SGCD: variants seen among roughly 807,000 people sequenced by gnomAD.
The protein encoded by SGCD is sarcoglycan delta, also known as delta-sarcoglycan.
Under a neutral mutation model 36.6 loss-of-function variants are expected in SGCD, and 18 were observed. The ratio of observed to expected loss-of-function variants is 0.49; its 90% CI spans 0.34 to 0.73. The LOEUF is 0.73. Among genes scored for constraint, SGCD ranks in the 30% least tolerant of loss-of-function variants. The probability of loss-of-function intolerance (pLI) is 0.01; values close to 1 mark genes in which losing one functional copy is unlikely to be tolerated. For synonymous variants in SGCD, 133 were observed against 130.6 expected, an observed-to-expected ratio of 1.02 and a Z score of -0.12; for missense variants, 387 against 346.7, an observed-to-expected ratio of 1.12 and a Z score of -0.92.
chr5:155,882,246 TTA>T (rs1294901744), intron 1 of SGCD, among the ~76,000 whole-genome samples: 1 of 152,104 alleles, frequency 6.6e-6, no homozygotes, highest in East Asian at 1.9e-4. Flanking sequence ...TGACTTTTTT[TTA>T]AAAAACTTTT....
intron 1 of SGCD, among the ~76,000 whole-genome samples, chr5:156,074,334 A>T (rs1361367981): frequency 1.3e-5 from 2 of 152,184 alleles, no homozygotes; most frequent in East Asian, 1.9e-4. Context: ...CAAAAGACAC[A>T]ATCCAAATGC....
At chr5:156,198,901 G>A (rs942660142) in intron 3 of SGCD, among the ~76,000 whole-genome samples, 1 of 151,864 alleles carries the variant, frequency 6.6e-6, no homozygotes, top group African/African-American at 2.4e-5. Flanking sequence ...TTGCTATGTT[G>A]CCTTGGTTGG....
At chr5:156,024,335 C>G (rs1561686277) in intron 1 of SGCD, among the ~76,000 whole-genome samples, 1 of 150,778 alleles carries the variant, frequency 6.6e-6, no homozygotes, top group African/African-American at 2.5e-5. Flanking sequence ...AAGATGCACT[C>G]AATAAATGCT....
chr5:156,003,999 A>G (rs1029179910), intron 1 of SGCD, among the ~76,000 whole-genome samples: 1 of 152,248 alleles, frequency 6.6e-6, no homozygotes, highest in Non-Finnish European at 1.5e-5. Flanking sequence ...CAAATAGCCT[A>G]TCTTACATCT....
At chr5:156,683,988 T>A (rs139392555) in intron 7 of SGCD, among the ~76,000 whole-genome samples, 30 of 152,342 alleles carry the variant, frequency 2.0e-4, no homozygotes, top group Non-Finnish European at 3.4e-4. Flanking sequence ...TTAACTCATA[T>A]GTTCACTAGT....
At chr5:156,069,818 T>C (rs1760479781) in intron 1 of SGCD, among the ~76,000 whole-genome samples, 1 of 152,048 alleles carries the variant, frequency 6.6e-6, no homozygotes, top group Non-Finnish European at 1.5e-5. Flanking sequence ...AGCAGTGGTT[T>C]GTAGCTCTCC....
intron 7 of SGCD, among the ~76,000 whole-genome samples, chr5:156,712,706 C>G (rs1466505408): frequency 1.3e-5 from 2 of 152,194 alleles, no homozygotes; most frequent in Non-Finnish European, 2.9e-5. Context: ...AAACCCAGGT[C>G]TTTGTGGTAC....
intron 6 of SGCD, among the ~76,000 whole-genome samples, chr5:156,626,461 G>A (rs1762444798): frequency 6.6e-6 from 1 of 152,168 alleles, no homozygotes; most frequent in South Asian, 2.1e-4. Flanking sequence ...CAAGATGAGA[G>A]CTCTCCAGCA....
intron 6 of SGCD, among the ~76,000 whole-genome samples, chr5:156,604,243 A>G (rs1761323602): frequency 6.6e-6 from 1 of 151,768 alleles, no homozygotes; most frequent in East Asian, 1.9e-4. Flanking sequence ...ATTTGAATGG[A>G]CTGTCTTTTT....
At chr5:156,624,154 G>A (rs1341260871) in intron 6 of SGCD, among the ~76,000 whole-genome samples, 1 of 152,194 alleles carries the variant, frequency 6.6e-6, no homozygotes, top group Non-Finnish European at 1.5e-5. Flanking sequence ...GGAATTTCAA[G>A]GAGAGGCCTC....
At chr5:156,459,439 G>T (rs1471755683) in intron 3 of SGCD, among the ~76,000 whole-genome samples, 2 of 152,154 alleles carry the variant, frequency 1.3e-5, no homozygotes, top group African/African-American at 2.4e-5. Context: ...TTAAGAAAAT[G>T]AGAGTCAACG....
intron 3 of SGCD, among the ~76,000 whole-genome samples, chr5:156,373,883 G>A (rs72798948): frequency 0.11 from 16,280 of 152,152 alleles, 978 homozygotes; most frequent in South Asian, 0.2. Flanking sequence ...TCAGCATGGA[G>A]GGCTTGATAT....
At chr5:156,448,966 C>T (rs111230789) in intron 3 of SGCD, among the ~76,000 whole-genome samples, 3,208 of 152,050 alleles carry the variant, frequency 0.021, 123 homozygotes, top group African/African-American at 0.074. Context: ...GTTGGCCAGG[C>T]TGGTCTGGAA....
the SGCD span, among the ~76,000 whole-genome samples, chr5:155,810,484 C>T: frequency 2.6e-5 from 4 of 151,716 alleles, no homozygotes; most frequent in African/African-American, 7.3e-5. Context: ...TAAAGGACTA[C>T]AGTTACCATA....
the SGCD span, among the ~76,000 whole-genome samples, chr5:155,750,271 A>G: frequency 1.3e-5 from 2 of 152,242 alleles, no homozygotes; most frequent in African/African-American, 4.8e-5. Flanking sequence ...AGATATTTTT[A>G]CACCATTTAC....
At chr5:156,431,802 G>T (rs1753024210) in intron 3 of SGCD, among the ~76,000 whole-genome samples, 1 of 152,092 alleles carries the variant, frequency 6.6e-6, no homozygotes, top group Non-Finnish European at 1.5e-5. Flanking sequence ...TGCAACCTCT[G>T]CCTCCCCAGT....
chr5:156,133,129 A>G (rs1762367845), intron 3 of SGCD, among the ~76,000 whole-genome samples: 1 of 152,220 alleles, frequency 6.6e-6, no homozygotes, highest in Non-Finnish European at 1.5e-5. Flanking sequence ...AGATAAGCCT[A>G]GAGCTCAGCA....
chr5:156,198,968 T>C (rs1764082924), intron 3 of SGCD, among the ~76,000 whole-genome samples: 1 of 152,052 alleles, frequency 6.6e-6, no homozygotes, highest in African/African-American at 2.4e-5. Flanking sequence ...GTAGCTGGGA[T>C]ATAGGTGCAT....
chr5:155,992,962 T>C (rs1758464016), intron 1 of SGCD, among the ~76,000 whole-genome samples: 1 of 152,154 alleles, frequency 6.6e-6, no homozygotes, highest in Admixed American at 6.6e-5. Context: ...TCTAGCTTCT[T>C]CCTTTTTGTG....
Sources: gnomAD v4.1 joint callset for allele counts (sites outside exome capture counted in the v4.1 genomes callset) on GRCh38, gnomAD v4.1.1 for gene constraint, MANE v1.5 for transcripts, NCBI Gene and HGNC (gene_info 2026-07-23, HGNC 2026-07-21) for gene names.